The following INIP variants were observed in gnomAD, a reference collection of about 807,000 sequenced individuals.
INIP encodes the protein INTS3 and NABP interacting protein, also known as SOSS complex subunit C.
Under a neutral mutation model 14.0 loss-of-function variants are expected in INIP, and 9 were observed. The observed-to-expected ratio is 0.64, with a 90% CI of 0.39 to 1.12. INIP has a LOEUF of 1.12. Ranked by LOEUF, INIP falls within the 50% of genes most tolerant of loss-of-function variation. The pLI is 0.01. For missense variants in INIP, 78 were observed against 122.7 expected (o/e 0.64, Z 1.72); for synonymous variants, 37 against 41.5 (o/e 0.89, Z 0.41).
At chr9:112,704,118 G>A (rs1354589560) in intron 2 of INIP, among the ~76,000 whole-genome samples, 5 of 152,022 alleles carry the variant, frequency 3.3e-5, no homozygotes, top group Non-Finnish European at 5.9e-5. Context: ...AATTGTGTGC[G>A]ACTAAGCCAA....
chr9:112,716,962 CAAA>C (rs553313367), intron 1 of INIP, among the ~76,000 whole-genome samples: 4 of 78,018 alleles, frequency 5.1e-5, no homozygotes, highest in Admixed American at 1.5e-4. Context: ...GACTCGGTCT[CAAA>C]AAAAAAAAAA....
At chr9:112,689,932 C>T (rs1837821907) in intron 3 of INIP, among the ~76,000 whole-genome samples, 1 of 152,008 alleles carries the variant, frequency 6.6e-6, no homozygotes, top group African/African-American at 2.4e-5. Context: ...AGTCACTATG[C>T]TATATAGTAA....
chr9:112,714,384 AGTT>A (rs1174383051), intron 2 of INIP, among the ~76,000 whole-genome samples: 109 of 152,360 alleles, frequency 7.2e-4, no homozygotes, highest in Non-Finnish European at 1.8e-4. Flanking sequence ...TCCTTCAAGT[AGTT>A]AAGTGGTTAA....
intron 2 of INIP, among the ~76,000 whole-genome samples, chr9:112,715,678 CAGG>C (rs1327512355): frequency 2.0e-5 from 3 of 151,226 alleles, no homozygotes; most frequent in Admixed American, 1.3e-4. Flanking sequence ...GAGGTTGAGG[CAGG>C]AGGATTGCTT....
intron 2 of INIP, among the ~76,000 whole-genome samples, chr9:112,714,965 G>A (rs1838758098): frequency 6.6e-6 from 1 of 152,128 alleles, no homozygotes; most frequent in Middle Eastern, 3.2e-3. Flanking sequence ...AATAGTGTAG[G>A]CAACTGTAAT....
intron 2 of INIP, among the ~76,000 whole-genome samples, chr9:112,703,517 G>C (rs1250424999): frequency 6.6e-6 from 1 of 152,180 alleles, no homozygotes; most frequent in East Asian, 1.9e-4. Context: ...CCAGGAATTT[G>C]AGACCAGCCT....
At chr9:112,710,580 T>C (rs1838617234) in intron 2 of INIP, among the ~76,000 whole-genome samples, 1 of 152,170 alleles carries the variant, frequency 6.6e-6, no homozygotes, top group Non-Finnish European at 1.5e-5. Flanking sequence ...ATGAAGAACA[T>C]GGGACTGCAG....
chr9:112,688,445 G>A (rs1837761810), intron 4 of INIP, among the ~76,000 whole-genome samples: 1 of 150,408 alleles, frequency 6.6e-6, no homozygotes, highest in Non-Finnish European at 1.5e-5. Context: ...AGAGAACGTT[G>A]GAATGTAAAT....
intron 2 of INIP, among the ~76,000 whole-genome samples, chr9:112,704,094 G>C (rs1430694276): frequency 2.6e-5 from 4 of 152,122 alleles, no homozygotes; most frequent in African/African-American, 7.2e-5. Flanking sequence ...AAGGAGGGTA[G>C]GGTAGTTACA....
intron 2 of INIP, among the ~76,000 whole-genome samples, chr9:112,702,169 A>G (rs1838319507): frequency 6.6e-6 from 1 of 152,236 alleles, no homozygotes; most frequent in Non-Finnish European, 1.5e-5. Context: ...AAATGGCCAC[A>G]TTGGAAAATC....
intron 2 of INIP, among the ~76,000 whole-genome samples, chr9:112,696,374 G>A (rs898609570): frequency 1.3e-5 from 2 of 152,100 alleles, no homozygotes; most frequent in African/African-American, 2.4e-5. Flanking sequence ...TTATGGATAC[G>A]CCTGTCTCGA....
chr9:112,689,936 A>G (rs1837822213), intron 3 of INIP, among the ~76,000 whole-genome samples: 1 of 152,192 alleles, frequency 6.6e-6, no homozygotes, highest in African/African-American at 2.4e-5. Context: ...ACTATGCTAT[A>G]TAGTAAATCT....
At chr9:112,710,960 C>T (rs751937324) in intron 2 of INIP, among the ~76,000 whole-genome samples, 4 of 151,412 alleles carry the variant, frequency 2.6e-5, no homozygotes, top group African/African-American at 4.9e-5. Flanking sequence ...TGCTTGAGAA[C>T]AGGAGTTCAG....
chr9:112,715,634 G>A (rs896579268), intron 2 of INIP, among the ~76,000 whole-genome samples: 17 of 151,942 alleles, frequency 1.1e-4, no homozygotes, highest in African/African-American at 3.9e-4. Flanking sequence ...TTAGCTGAGC[G>A]TGATGGCGTG....
intron 2 of INIP, among the ~76,000 whole-genome samples, chr9:112,706,443 A>G (rs1838471177): frequency 6.6e-6 from 1 of 152,026 alleles, no homozygotes; most frequent in Non-Finnish European, 1.5e-5. Context: ...GTGTAGAGAC[A>G]GGGCCTCACT....
chr9:112,689,587 C>T lies in INIP; in HGVS notation c.159G>A (p.Lys53=). 4 of 1,614,112 alleles carry T rather than the reference C, an allele frequency of 2.5e-6. No individual in the cohort carries two copies. The highest frequency in any genetic ancestry group is 3.4e-6 in the Non-Finnish European group (4 of 1,180,008). Residue 53 remains lysine, a synonymous_variant, in exon 4 of 5, where the codon AAG becomes AAA. Transcript: ENST00000374242. ...SIALSRPSLN[K]DFRDHAEQQH... ...GCTGCTCAGCGTGATCCCGGAAGTC[C>T]TTATTAAGAGAGGGTCTCGAGAGTG...
chr9:112,703,961 T>A (rs1291342789), intron 2 of INIP, among the ~76,000 whole-genome samples: 1 of 152,186 alleles, frequency 6.6e-6, no homozygotes, highest in Non-Finnish European at 1.5e-5. Context: ...GTGAAAATAA[T>A]AGGGTATCCA....
At chr9:112,705,860 T>G (rs911178446) in intron 2 of INIP, among the ~76,000 whole-genome samples, 4 of 152,148 alleles carry the variant, frequency 2.6e-5, no homozygotes, top group African/African-American at 9.7e-5. Context: ...GCCATATATT[T>G]AGGGACCTTG....
chr9:112,708,291 G>C (rs1427578297), intron 2 of INIP, among the ~76,000 whole-genome samples: 1 of 152,162 alleles, frequency 6.6e-6, no homozygotes, highest in Admixed American at 6.5e-5. Flanking sequence ...AAAAGTAGGG[G>C]TGAGGAACAA....
Sources: allele counts gnomAD v4.1 joint callset (sites outside exome capture counted in the v4.1 genomes callset), GRCh38; gene constraint gnomAD v4.1.1; transcripts MANE v1.5; gene names NCBI Gene and HGNC (gene_info 2026-07-23, HGNC 2026-07-21).